GRK3: variants seen among roughly 807,000 people sequenced by gnomAD.
GRK3 encodes the protein G protein-coupled receptor kinase 3.
In GRK3, 54 loss-of-function variants were observed where a neutral mutation model predicts 95.7. The ratio of observed to expected loss-of-function variants is 0.56; its 90% CI spans 0.45 to 0.71. The LOEUF (loss-of-function observed/expected upper bound fraction) is 0.71, where lower values mean the gene tolerates loss of function less well. GRK3 is among the 30% of genes least tolerant of loss of function. The probability of loss-of-function intolerance (pLI) is 0.00; values close to 1 mark genes in which losing one functional copy is unlikely to be tolerated. For missense variants in GRK3, 649 were observed against 851.2 expected (o/e 0.76, Z 2.96); for synonymous variants, 281 against 290.8 (o/e 0.97, Z 0.34).
intron 12 of GRK3, among the ~76,000 whole-genome samples, chr22:25,694,571 G>A (rs912797577): frequency 6.6e-6 from 1 of 152,118 alleles, no homozygotes; most frequent in Non-Finnish European, 1.5e-5. Context: ...ATGTACAACT[G>A]GGCTCATGTT....
At chr22:25,701,712 G>A (rs2085260226) in intron 13 of GRK3, among the ~76,000 whole-genome samples, 1 of 152,200 alleles carries the variant, frequency 6.6e-6, no homozygotes, top group African/African-American at 2.4e-5. Context: ...GCACGCAGGA[G>A]CCAGGTCCGA....
intron 1 of GRK3, among the ~76,000 whole-genome samples, chr22:25,600,836 A>T (rs1444398215): frequency 6.6e-6 from 1 of 152,256 alleles, no homozygotes; most frequent in Non-Finnish European, 1.5e-5. Flanking sequence ...ATAATACTGT[A>T]TAAGCACTAA....
At chr22:25,577,366 G>A (rs961220639) in intron 1 of GRK3, among the ~76,000 whole-genome samples, 2 of 151,992 alleles carry the variant, frequency 1.3e-5, no homozygotes, top group Non-Finnish European at 1.5e-5. Context: ...GTAGAGACAG[G>A]GTTTTGCCAC....
intron 13 of GRK3, among the ~76,000 whole-genome samples, chr22:25,702,453 A>T (rs1163169587): frequency 6.6e-6 from 1 of 152,240 alleles, no homozygotes; most frequent in East Asian, 1.9e-4. Context: ...TATATGCCTT[A>T]TAAATAAATT....
chr22:25,667,712 G>A (rs182485969), intron 5 of GRK3, 27 bp from the exon 6 acceptor site: 11 of 1,559,710 alleles, frequency 7.1e-6, no homozygotes, highest in Admixed American at 1.7e-5. Flanking sequence ...TTCATTCACC[G>A]TGGAATTTCT....
chr22:25,687,764 C>T (rs2085127724), intron 11 of GRK3, 97 bp downstream of exon 11: 5 of 1,368,418 alleles, frequency 3.7e-6, no homozygotes, highest in African/African-American at 1.4e-5. Flanking sequence ...TCATTTTCCT[C>T]ATAGCCCTCA....
At chr22:25,714,365 A>T (rs2146468224) in intron 17 of GRK3, 43 bp from the exon 18 acceptor site, 1 of 1,566,528 alleles carries the variant, frequency 6.4e-7, no homozygotes, top group South Asian at 1.2e-5. Context: ...TACCTTTGTA[A>T]GTATGTTAAA....
chr22:25,602,496 A>G (rs1480104059), intron 1 of GRK3, among the ~76,000 whole-genome samples: 3 of 152,226 alleles, frequency 2.0e-5, no homozygotes, highest in African/African-American at 4.8e-5. Context: ...ATGAAAACGC[A>G]TGCCCATAAA....
chr22:25,605,185 A>G (rs993888236), intron 2 of GRK3, among the ~76,000 whole-genome samples: 2 of 152,230 alleles, frequency 1.3e-5, no homozygotes, highest in Non-Finnish European at 2.9e-5. Flanking sequence ...TTGATCACGC[A>G]TGAAGTACAG....
rs1051393242 is a variant in GRK3 at position 25,608,683 on chromosome 22, C to T, written c.190+4230C>T. ...CACCTCCATCCCAAACCACAAAGCA[C>T]AGAATTCCATCCATAACTGGAATGG... On this transcript the variant is annotated intron_variant, in intron 2 of 20. Transcript: ENST00000324198. Among the ~76,000 whole-genome samples, 32 of 152,306 alleles carry T rather than the reference C, an allele frequency of 2.1e-4. No individual in the cohort carries two copies. The Middle Eastern group carries it at 0.014, about 65-fold the overall frequency.
At chr22:25,694,715 G>A (rs551167601) in intron 12 of GRK3, among the ~76,000 whole-genome samples, 4 of 152,194 alleles carry the variant, frequency 2.6e-5, no homozygotes, top group South Asian at 2.1e-4. Flanking sequence ...GGTCCACAGC[G>A]CCGCAGCGTG....
intron 2 of GRK3, among the ~76,000 whole-genome samples, chr22:25,616,709 T>C (rs1173820584): frequency 6.6e-6 from 1 of 152,074 alleles, no homozygotes; most frequent in Non-Finnish European, 1.5e-5. Flanking sequence ...ATAGAGTCAA[T>C]AGATTTGTAA....
At chr22:25,685,844 A>G (rs2085108769) in intron 10 of GRK3, among the ~76,000 whole-genome samples, 1 of 151,972 alleles carries the variant, frequency 6.6e-6, no homozygotes, top group Admixed American at 6.6e-5. Flanking sequence ...AATAAAGCAT[A>G]CAATTCACAA....
At chr22:25,607,594 T>C (rs1169407552) in intron 2 of GRK3, among the ~76,000 whole-genome samples, 1 of 152,118 alleles carries the variant, frequency 6.6e-6, no homozygotes, top group East Asian at 1.9e-4. Flanking sequence ...ATTTATTTTT[T>C]GGGACAGAGT....
At chr22:25,663,539 G>A in intron 4 of GRK3, 91 bp from the exon 5 acceptor site, 2 of 733,952 alleles carry the variant, frequency 2.7e-6, no homozygotes, top group Non-Finnish European at 4.4e-6. Context: ...TTTAGTAATT[G>A]CTGTGTTAAA....
chr22:25,639,633 G>A (rs1394033781), intron 2 of GRK3, among the ~76,000 whole-genome samples: 1 of 152,060 alleles, frequency 6.6e-6, no homozygotes, highest in Non-Finnish European at 1.5e-5. Context: ...TTCTTAAGAT[G>A]TTTTGGGTAT....
At chr22:25,610,084 C>CTTGT (rs1020660987) in intron 2 of GRK3, among the ~76,000 whole-genome samples, 2 of 152,066 alleles carry the variant, frequency 1.3e-5, no homozygotes, top group Non-Finnish European at 2.9e-5. Flanking sequence ...AACTCTTGAC[C>CTTGT]TTGTGATCCA....
chr22:25,691,699 T>C (rs2085165951), intron 12 of GRK3, among the ~76,000 whole-genome samples: 2 of 152,226 alleles, frequency 1.3e-5, no homozygotes, highest in African/African-American at 4.8e-5. Context: ...CATAACTAAA[T>C]ATGAATCCAA....
At chr22:25,614,370 G>A (rs1352811138) in intron 2 of GRK3, among the ~76,000 whole-genome samples, 8 of 152,180 alleles carry the variant, frequency 5.3e-5, no homozygotes, top group African/African-American at 1.7e-4. Flanking sequence ...CTGGGCTCAA[G>A]AGATCCACCC....
Sources: allele counts gnomAD v4.1 joint callset (sites outside exome capture counted in the v4.1 genomes callset), GRCh38; gene constraint gnomAD v4.1.1; transcripts MANE v1.5; gene names NCBI Gene and HGNC (gene_info 2026-07-23, HGNC 2026-07-21).